TXNDC15: variants seen among roughly 807,000 people sequenced by gnomAD.
The protein encoded by TXNDC15 is thioredoxin domain containing 15.
TXNDC15 carries 24 observed loss-of-function variants against 35.0 expected under a neutral mutation model. The ratio of observed to expected loss-of-function variants is 0.68; its 90% CI spans 0.50 to 0.96. The LOEUF (loss-of-function observed/expected upper bound fraction) is 0.96, where lower values mean the gene tolerates loss of function less well. Ranked by LOEUF, TXNDC15 falls within the 40% of genes least tolerant of loss-of-function variation. The pLI is 0.00. For missense variants in TXNDC15, 385 were observed against 453.3 expected, an observed-to-expected ratio of 0.85 and a Z score of 1.37; for synonymous variants, 169 against 174.0, an observed-to-expected ratio of 0.97 and a Z score of 0.23.
rs1057021074 is a variant in TXNDC15 at position 134,893,557 on chromosome 5, G to C, written c.657G>C (p.Trp219Cys). 1.2e-5 allele frequency: 20 copies of C among 1,614,036 alleles called. No individual in the cohort carries two copies. Among genetic ancestry groups the C allele is most frequent in the Non-Finnish European group, 1.7e-5 (20 of 1,180,052 alleles). Residue 219 changes from tryptophan to cysteine, a missense_variant, in exon 3 of 5, where the codon TGG (tryptophan) becomes TGC (cysteine). Coordinates refer to ENST00000358387, the MANE Select transcript of TXNDC15 (RefSeq NM_024715.4). ...CTCTAGTCCTGTTTTACACCCCGTG[G>C]TGCCGCTTTTCTGCCAGTTTGGCCC... ...DCTLVLFYTP[W>C]CRFSASLAPH...
At chr5:134,879,491 G>T (rs548074923) in intron 1 of TXNDC15, among the ~76,000 whole-genome samples, 2 of 152,168 alleles carry the variant, frequency 1.3e-5, no homozygotes, top group African/African-American at 4.8e-5. Context: ...AGCCTCTCTG[G>T]CTTCATTTCC....
chr5:134,875,544 C>T (rs1337881220), intron 1 of TXNDC15: 5 of 386,708 alleles, frequency 1.3e-5, no homozygotes, highest in Non-Finnish European at 2.6e-5. Context: ...GTTGCCCAGG[C>T]GGGAGTGCAG....
rs1750599938 is a variant in TXNDC15, at chr5:134,901,488, TTATAAA to T, written c.*1806_*1811del. ...GATTTGAATCTTCACATGTGTGTAC[TTATAAA>T]TACAAATGTAAGGAAAACTCTAGTG... On this transcript the variant is annotated 3_prime_UTR_variant, in exon 5 of 5. Coordinates refer to ENST00000358387, the MANE Select transcript of TXNDC15 (RefSeq NM_024715.4). 6.6e-6 allele frequency: 1 copy of T among 152,384 alleles called. No individual in the cohort carries two copies. The highest frequency in any genetic ancestry group is 2.1e-4 in the South Asian group (1 of 4,830). The allele number at this position is 152,384 out of a possible 1,614,324, so 9.4% of individuals were successfully genotyped here.
chr5:134,893,684 A>G (rs1336844670), intron 3 of TXNDC15, 29 bp downstream of exon 3: 2 of 1,613,038 alleles, frequency 1.2e-6, no homozygotes, highest in Admixed American at 3.3e-5. Flanking sequence ...GTTTACGTCC[A>G]TCCTCCTGGC....
intron 3 of TXNDC15, 165 bp from the exon 4 acceptor site, chr5:134,896,129 A>G (rs1464950670): frequency 1.4e-5 from 10 of 691,600 alleles, no homozygotes; most frequent in East Asian, 1.3e-4. Context: ...CCCATAAGCA[A>G]AGAGGTCAGA....
chr5:134,879,987 G>T (rs1750110399), intron 1 of TXNDC15, among the ~76,000 whole-genome samples: 1 of 152,060 alleles, frequency 6.6e-6, no homozygotes, highest in African/African-American at 2.4e-5. Flanking sequence ...GTACAGACGG[G>T]ATTTCAACAT....
intron 2 of TXNDC15, among the ~76,000 whole-genome samples, chr5:134,890,856 A>T (rs905972675): frequency 6.6e-6 from 1 of 152,250 alleles, no homozygotes; most frequent in African/African-American, 2.4e-5. Flanking sequence ...AACTAAGTTT[A>T]TGGAATATTC....
intron 2 of TXNDC15, chr5:134,892,095 T>C (rs566429979): frequency 5.9e-5 from 9 of 152,186 alleles, no homozygotes; most frequent in African/African-American, 2.2e-4. Flanking sequence ...TACATGAAAA[T>C]TGATTTTTGA....
rs541502819 is a variant in TXNDC15, at chr5:134,882,051, G to C, written c.104-5644G>C. On this transcript the variant is annotated intron_variant, in intron 1 of 4. Transcript: ENST00000358387. Reference sequence around the variant, plus strand: ...GGAGGGGCTCCTCACTTCTCAGACGGGGTGGCTGCTGGGCGGAGGGGCTCC... The same window carrying C: ...GGAGGGGCTCCTCACTTCTCAGACGCGGTGGCTGCTGGGCGGAGGGGCTCC... 1.9e-4 allele frequency among the ~76,000 whole-genome samples: 29 copies of C among 151,738 alleles called. No homozygotes were observed. In the South Asian group the frequency reaches 5.8e-3, roughly 30 times the overall value.
intron 1 of TXNDC15, chr5:134,875,067 C>A: frequency 2.2e-6 from 1 of 448,144 alleles, no homozygotes. Flanking sequence ...TCTCTGACGC[C>A]AAAGCCCAGT....
At chr5:134,879,469 T>C (rs1179903379) in intron 1 of TXNDC15, among the ~76,000 whole-genome samples, 1 of 152,224 alleles carries the variant, frequency 6.6e-6, no homozygotes, top group Non-Finnish European at 1.5e-5. Flanking sequence ...ATCCTTTCTT[T>C]TCCAGACTCT....
At chr5:134,885,673 G>C (rs1029397780) in intron 1 of TXNDC15, among the ~76,000 whole-genome samples, 4 of 152,172 alleles carry the variant, frequency 2.6e-5, no homozygotes, top group African/African-American at 9.7e-5. Flanking sequence ...CCTCAACTGG[G>C]AGAGTCTGCT....
chr5:134,887,993 T>G lies in TXNDC15; in HGVS notation c.402T>G (p.Asp134Glu), dbSNP rs751610507. The change falls in exon 2 of 5, where the codon GAT becomes GAG. Residue 134 changes from aspartate to glutamate, a missense_variant. Coordinates refer to ENST00000358387, the MANE Select transcript of TXNDC15 (RefSeq NM_024715.4). The stretch of plus-strand genomic sequence containing the variant: ...TCCGAGAGAGCCTTTTCTCTCTGGA[T>G]GGCGCTGGAGCACACTTCCCTGACA... The part of the protein sequence containing the change: ...CNVRESLFSL[D>E]GAGAHFPDRE... The G allele has an allele frequency of 1.9e-6, 3 of 1,614,220 alleles. No homozygotes were observed. Among genetic ancestry groups the G allele is most frequent in the Non-Finnish European group, 2.5e-6 (3 of 1,180,044 alleles).
chr5:134,883,337 A>G (rs1243549043), intron 1 of TXNDC15, among the ~76,000 whole-genome samples: 1 of 152,210 alleles, frequency 6.6e-6, no homozygotes, highest in African/African-American at 2.4e-5. Flanking sequence ...AGGCAGGAGA[A>G]TTCCTTGAAC....
intron 1 of TXNDC15, among the ~76,000 whole-genome samples, chr5:134,887,246 G>T (rs565357897): frequency 6.6e-6 from 1 of 152,212 alleles, no homozygotes; most frequent in Non-Finnish European, 1.5e-5. Context: ...GTGCAGTGGC[G>T]CAGTCTTGGC....
chr5:134,899,031 C>G (rs1003279849), intron 4 of TXNDC15, among the ~76,000 whole-genome samples: 1 of 151,740 alleles, frequency 6.6e-6, no homozygotes, highest in African/African-American at 2.4e-5. Context: ...GAGCTGAGAT[C>G]GCACCACTGC....
chr5:134,879,024 T>A (rs929350360), intron 1 of TXNDC15, among the ~76,000 whole-genome samples: 5 of 152,124 alleles, frequency 3.3e-5, no homozygotes, highest in African/African-American at 1.2e-4. Context: ...TAAAAGCACA[T>A]TACCAAGGGA....
chr5:134,887,646 C>A, intron 1 of TXNDC15, 49 bp from the exon 2 acceptor site: 1 of 1,517,414 alleles, frequency 6.6e-7, no homozygotes, highest in Non-Finnish European at 8.8e-7. Context: ...CTTTGGGGTT[C>A]ATTTGTTTTG....
chr5:134,892,631 G>A (rs1467856105), intron 2 of TXNDC15: 1 of 152,200 alleles, frequency 6.6e-6, no homozygotes, highest in Admixed American at 6.5e-5. Context: ...TGTCTCCTAT[G>A]TTGGCATTCG....
Sources: gnomAD v4.1 joint callset for allele counts (sites outside exome capture counted in the v4.1 genomes callset) on GRCh38, gnomAD v4.1.1 for gene constraint, MANE v1.5 for transcripts, NCBI Gene and HGNC (gene_info 2026-07-23, HGNC 2026-07-21) for gene names.